KCND1: variants seen among roughly 807,000 people sequenced by gnomAD.
KCND1 encodes the protein A-type voltage-gated potassium channel KCND1.
Under a neutral mutation model 31.8 loss-of-function variants are expected in KCND1, and 11 were observed. The ratio of observed to expected loss-of-function variants is 0.35; its 90% CI spans 0.22 to 0.57. The LOEUF (loss-of-function observed/expected upper bound fraction) is 0.57. Ranked by LOEUF, KCND1 falls within the 20% of genes least tolerant of loss-of-function variation. KCND1 has a pLI of 0.85. For synonymous variants in KCND1, 234 were observed against 248.1 expected (o/e 0.94, Z 0.53); for missense variants, 471 against 596.8 (o/e 0.79, Z 2.20).
At chrX:48,964,037 G>A (rs1315090363) in intron 5 of KCND1, among the ~76,000 whole-genome samples, 3 of 112,067 alleles carry the variant, frequency 2.7e-5, no homozygotes, top group Admixed American at 9.5e-5. Context: ...CCTCCTTCAG[G>A]TCTTGGCTCA....
chrX:48,968,276 C>T (rs1242876043), intron 1 of KCND1: 2 of 111,379 alleles, frequency 1.8e-5, no homozygotes, highest in African/African-American at 6.5e-5. Flanking sequence ...CTCATGAGTT[C>T]GATGATTCCA....
chrX:48,971,417 ACG>A lies in KCND1; in HGVS notation c.-1148_-1147del, dbSNP rs1557058931. Reference sequence around the variant, plus strand: ...GGGCTTTGCAGGAAGCTGGCAGGAGACGCCGGGAGAAGGCTGGGTCCCACCGT... The same window carrying A: ...GGGCTTTGCAGGAAGCTGGCAGGAGACCGGGAGAAGGCTGGGTCCCACCGT... On this transcript the variant is annotated 5_prime_UTR_variant, in exon 1 of 6. It introduces an in-frame stop codon into an upstream open reading frame of the 5' UTR. Transcript: ENST00000218176. The A allele has an allele frequency of 9.0e-6, 1 of 110,748 alleles. No homozygotes were observed. The highest frequency in any genetic ancestry group is 1.9e-5 in the Non-Finnish European group (1 of 52,888). 9.1% of individuals were successfully genotyped at this position (110,748 alleles called of 1,213,427 possible). A position where few individuals can be genotyped will look rare whatever the true frequency, so the allele number is the denominator to read the frequency against.
intron 5 of KCND1, among the ~76,000 whole-genome samples, chrX:48,964,976 C>T (rs1349238268): frequency 1.5e-4 from 15 of 98,864 alleles, no homozygotes; most frequent in South Asian, 5.6e-4. Context: ...GGGCCGAGAT[C>T]GCGCCACTGC....
chrX:48,967,684 G>A (rs1361703390), intron 1 of KCND1: 1 of 111,230 alleles, frequency 9.0e-6, no homozygotes, highest in Admixed American at 9.4e-5. Flanking sequence ...AGATCAGGGA[G>A]ATTCTGTAAC....
intron 5 of KCND1, among the ~76,000 whole-genome samples, chrX:48,964,902 G>A (rs6609818): frequency 1.1e-5 from 1 of 93,608 alleles, no homozygotes; most frequent in African/African-American, 4.0e-5. Context: ...CGTGCCTGTA[G>A]TCCCAGCTAC....
At position 48,966,819 on chromosome X, in the gene KCND1, A is replaced by G; in HGVS notation, c.1310T>C (p.Leu437Ser). 8.3e-7 allele frequency: 1 copy of G among 1,206,755 alleles called. No homozygotes were observed. Among genetic ancestry groups the G allele is most frequent in the Non-Finnish European group, 1.1e-6 (1 of 893,638 alleles). ...GGCATTGGTGGTACCACTCTTTGCC[A>G]ATCGGATCCTTGCCAAGCGCACCTT... ...QQKVRLARIR[L>S]AKSGTTNAFL... The change falls in exon 3 of 6, where the codon TTG (leucine) becomes TCG (serine). Residue 437 changes from leucine (L) to serine (S), a missense_variant. Leu to Ser is a moderately radical substitution (Grantham distance 145, BLOSUM62 -2). Coordinates refer to ENST00000218176, the MANE Select transcript of KCND1 (RefSeq NM_004979.6).
intron 5 of KCND1, among the ~76,000 whole-genome samples, chrX:48,963,202 C>A (rs1206444948): frequency 9.2e-6 from 1 of 108,922 alleles, no homozygotes; most frequent in East Asian, 2.9e-4. Flanking sequence ...AATCCCAGCA[C>A]TTTGGGAGGC....
Position 48,969,921 on chromosome X carries a change from C to G in KCND1, c.351G>C (p.Glu117Asp), listed in dbSNP as rs781831507. The G allele has an allele frequency of 8.3e-7, 1 of 1,211,277 alleles. No homozygotes were observed. ...RQECIQAFDEELAFYGLVPEL... is the reference protein window; with the variant it reads ...RQECIQAFDEDLAFYGLVPEL... ...CGGGAACCAGGCCGTAGAAAGCCAG[C>G]TCTTCGTCGAAGGCCTGGATGCACT... Residue 117 changes from glutamate to aspartate, a missense_variant, in exon 1 of 6, where the codon GAG becomes GAC. By Grantham distance (45) the Glu-to-Asp change is conservative (BLOSUM62 2). Around this residue, in one of 3 missense-constraint regions of KCND1, gnomAD observed 212 missense variants for 257.9 expected, o/e 0.82. Coordinates refer to ENST00000218176, the MANE Select transcript of KCND1 (RefSeq NM_004979.6).
rs2064357642 is a variant in KCND1, at chrX:48,966,960, T to A, written c.1268A>T (p.Lys423Met). ...TGCGGTTACCTGCTGTGCTCGGCGC[T>A]TGTCAGCCCGCTGGTTCTGGTGGTA... ...RIYHQNQRAD[K>M]RRAQQKVRLA... is the part of the protein sequence containing the mutation. Residue 423 changes from lysine (K) to methionine (M), a missense_variant, in exon 2 of 6, where the codon AAG becomes ATG. Coordinates refer to ENST00000218176, the MANE Select transcript of KCND1 (RefSeq NM_004979.6). 8.3e-7 allele frequency: 1 copy of A among 1,207,602 alleles called. No homozygotes were observed. Among genetic ancestry groups the A allele is most frequent in the Non-Finnish European group, 1.1e-6 (1 of 894,592 alleles).
rs781964656 is a variant in KCND1, at chrX:48,969,863, G to A, written c.409C>T (p.Arg137Trp). Reference protein sequence around the residue: ...LVGDCCLEEYRDRKKENAERL... With the variant: ...LVGDCCLEEYWDRKKENAERL... ...TCGGCATTCTCCTTCTTTCGGTCCC[G>A]ATACTCTTCAAGGCAGCAGTCACCG... Residue 137 changes from arginine (R) to tryptophan (W), a missense_variant, in exon 1 of 6, where the codon CGG (arginine) becomes TGG (tryptophan). Arg to Trp is a moderately radical substitution (Grantham distance 101). Transcript: ENST00000218176. 5.0e-6 allele frequency: 6 copies of A among 1,209,855 alleles called. No homozygotes were observed. The highest frequency in any genetic ancestry group is 3.0e-5 in the East Asian group (1 of 33,745).
rs782220366 is a variant in KCND1, at chrX:48,969,177, A to G, written c.1095T>C (p.Tyr365=). Reference sequence around the variant, plus strand: ...CAAGCGTGGTCATGGTGACAATGGTATACCAGAAGGCCGCAGGGATGCTTG... The same window carrying G: ...CAAGCGTGGTCATGGTGACAATGGTGTACCAGAAGGCCGCAGGGATGCTTG... ...NFTSIPAAFW[Y]TIVTMTTLGY... is the part of the protein sequence containing the mutation. Residue 365 remains tyrosine, a synonymous_variant, in exon 1 of 6, where the codon TAT becomes TAC. Coordinates refer to ENST00000218176, the MANE Select transcript of KCND1 (RefSeq NM_004979.6). The G allele has an allele frequency of 8.3e-7, 1 of 1,211,096 alleles. No individual in the cohort carries two copies. Among genetic ancestry groups the G allele is most frequent in the South Asian group, 1.8e-5 (1 of 56,735 alleles).
At position 48,966,155 on chromosome X, in the gene KCND1, G is replaced by C; in HGVS notation, c.1618C>G (p.Arg540Gly). 8.3e-7 allele frequency: 1 copy of C among 1,210,519 alleles called. No individual in the cohort carries two copies. The highest frequency in any genetic ancestry group is 1.1e-6 in the Non-Finnish European group (1 of 895,364). ...SSCCPRRAKR[R>G]AIRLANSTAS... ...GTGGAGTTGGCAAGGCGGATGGCGC[G>C]GCGCTTGGCCCTGCGAGGGCAGCAA... Residue 540 changes from arginine (R) to glycine (G), a missense_variant, in exon 5 of 6, where the codon CGC (arginine) becomes GGC (glycine). By Grantham distance (125) the Arg-to-Gly change is moderately radical. Around this residue, in one of 3 missense-constraint regions of KCND1, gnomAD observed 185 missense variants for 184.7 expected, o/e 1.00. Transcript: ENST00000218176.
Position 48,970,113 on chromosome X carries a change from A to T in KCND1, c.159T>A (p.Thr53=). The T allele has an allele frequency of 8.3e-7, 1 of 1,211,007 alleles. No individual in the cohort carries two copies. Among genetic ancestry groups the T allele is most frequent in the Non-Finnish European group, 1.1e-6 (1 of 895,131 alleles). Residue 53 remains threonine (T), a synonymous_variant, in exon 1 of 6, where the codon ACT becomes ACA. Transcript: ENST00000218176. ...VVNVSGRRFE[T]WKNTLDRYPD... Reference sequence around the variant, plus strand: ...GGTAGCGGTCCAGCGTATTCTTCCAAGTCTCAAAGCGCCGTCCGCTCACGT... The same window carrying T: ...GGTAGCGGTCCAGCGTATTCTTCCATGTCTCAAAGCGCCGTCCGCTCACGT...
intron 5 of KCND1, 129 bp from the exon 6 acceptor site, chrX:48,962,935 G>C: frequency 4.0e-6 from 2 of 495,468 alleles, no homozygotes; most frequent in South Asian, 3.2e-5. Context: ...TCAAGAGTTC[G>C]AGACCAGCCT....
intron 1 of KCND1, 38 bp downstream of exon 1, chrX:48,969,113 T>G: frequency 8.6e-7 from 1 of 1,161,752 alleles, no homozygotes; most frequent in Non-Finnish European, 1.2e-6. Flanking sequence ...AAAGGGTGAG[T>G]GTAATCGGGC....
intron 5 of KCND1, 55 bp from the exon 6 acceptor site, chrX:48,962,861 G>A (rs1557057389): frequency 1.9e-6 from 2 of 1,027,105 alleles, no homozygotes; most frequent in African/African-American, 1.9e-5. Flanking sequence ...CTTAGGCCGG[G>A]TGCGGTGGCT....
chrX:48,962,468 T>TC lies in KCND1; in HGVS notation c.*112_*113insG. 2.0e-6 allele frequency: 1 copy of TC among 493,481 alleles called. No individual in the cohort carries two copies. Among genetic ancestry groups the TC allele is most frequent in the Middle Eastern group, 5.9e-4 (1 of 1,706 alleles). The allele number at this position is 493,481 out of a possible 1,213,427, so 40.7% of individuals were successfully genotyped here. On this transcript the variant is annotated 3_prime_UTR_variant, in exon 6 of 6. Transcript: ENST00000218176. ...TGAAACTCCATTGCATAGTTCTCAG[T>TC]GGGGGGGGCAGAAGGGGTGCCCAAG...
At position 48,966,076 on chromosome X, in the gene KCND1, C is replaced by T. The variant is rs781904171; in HGVS notation, c.1697G>A (p.Arg566His). 47 of 1,208,386 alleles carry T rather than the reference C, an allele frequency of 3.9e-5. 1 individual carries two copies. Among genetic ancestry groups the T allele is most frequent in the Admixed American group, 2.6e-4 (12 of 45,850 alleles). ...MQELDMLAGL[R>H]RSHAPQSRSS... ...TTACCTCTGAGGGGCATGGCTCCTG[C>T]GCAGCCCTGCCAGCATGTCCAGCTC... is the stretch of plus-strand genomic sequence containing the variant. Residue 566 changes from arginine to histidine, a missense_variant, in exon 5 of 6, where the codon CGC becomes CAC. Transcript: ENST00000218176.
At chrX:48,963,506 T>A (rs782206221) in intron 5 of KCND1, among the ~76,000 whole-genome samples, 1 of 110,912 alleles carries the variant, frequency 9.0e-6, no homozygotes, top group African/African-American at 3.3e-5. Context: ...GAGCACCTAC[T>A]GGGTCCCTGG....
Sources: allele counts gnomAD v4.1 joint callset (sites outside exome capture counted in the v4.1 genomes callset), GRCh38; gene constraint gnomAD v4.1.1; regional missense constraint gnomAD v4.1.1; transcripts MANE v1.5; gene names NCBI Gene and HGNC (gene_info 2026-07-23, HGNC 2026-07-21).